ARPP21: variants seen among roughly 807,000 people sequenced by gnomAD.
The protein encoded by ARPP21 is cAMP-regulated phosphoprotein 21.
In ARPP21, 69 loss-of-function variants were observed where a neutral mutation model predicts 113.2. That is an observed-to-expected ratio of 0.61 (90% CI 0.50 to 0.74). The LOEUF is 0.74. Among genes scored for constraint, ARPP21 ranks in the 30% least tolerant of loss-of-function variants. The pLI, the probability that ARPP21 is intolerant of heterozygous loss-of-function variation, is 0.00. For missense variants in ARPP21, 1,070 were observed against 1,037.4 expected, an observed-to-expected ratio of 1.03 and a Z score of -0.43; for synonymous variants, 368 against 375.5, an observed-to-expected ratio of 0.98 and a Z score of 0.23.
At position 35,690,072 on chromosome 3, in the gene ARPP21, A is replaced by G. The variant is rs1158484677; in HGVS notation, c.486-9A>G. On this transcript the variant is annotated splice_polypyrimidine_tract_variant and intron_variant, in intron 7 of 20. Coordinates refer to ENST00000684406, the MANE Select transcript of ARPP21 (RefSeq NM_001385562.1). ...ATAAAACCTTTTAAATTTAACATTT[A>G]TTTTGCAGGGACAGGATGATACTTT... is the stretch of plus-strand genomic sequence containing the variant. 7 of 1,244,916 alleles carry G rather than the reference A, an allele frequency of 5.6e-6. No homozygotes were observed. Among genetic ancestry groups the G allele is most frequent in the Non-Finnish European group, 8.3e-6 (7 of 845,338 alleles). The allele number at this position is 1,244,916 out of a possible 1,614,324, so 77.1% of individuals were successfully genotyped here.
At chr3:35,733,891 A>G (rs1208907362) in intron 15 of ARPP21, among the ~76,000 whole-genome samples, 2 of 152,338 alleles carry the variant, frequency 1.3e-5, no homozygotes, top group East Asian at 1.9e-4. Context: ...CTTCTAGCCC[A>G]CAGCATATTA....
chr3:35,730,642 G>C (rs2093896147), intron 15 of ARPP21, among the ~76,000 whole-genome samples: 1 of 152,188 alleles, frequency 6.6e-6, no homozygotes, highest in Non-Finnish European at 1.5e-5. Flanking sequence ...GATCCTTCCA[G>C]ACTATTTCTT....
At chr3:35,725,310 G>C (rs1314669762) in intron 14 of ARPP21, among the ~76,000 whole-genome samples, 2 of 152,168 alleles carry the variant, frequency 1.3e-5, no homozygotes, top group African/African-American at 2.4e-5. Flanking sequence ...AAAGTGGCAA[G>C]AGGCTAGGAG....
chr3:35,776,442 G>C (rs1043456500), intron 19 of ARPP21, among the ~76,000 whole-genome samples: 2 of 152,078 alleles, frequency 1.3e-5, no homozygotes, highest in African/African-American at 4.8e-5. Flanking sequence ...AGGAAGGGTG[G>C]GCAACATTTT....
At chr3:35,756,201 G>A (rs1394904912) in intron 19 of ARPP21, among the ~76,000 whole-genome samples, 2 of 152,034 alleles carry the variant, frequency 1.3e-5, no homozygotes, top group African/African-American at 4.8e-5. Flanking sequence ...AAATGTAATG[G>A]TTCCACAGCA....
intron 1 of ARPP21, among the ~76,000 whole-genome samples, chr3:35,653,624 G>A (rs536444748): frequency 4.4e-4 from 67 of 151,988 alleles, no homozygotes; most frequent in Non-Finnish European, 6.8e-4. Flanking sequence ...TGACATCATG[G>A]TGATCTAAAT....
At chr3:35,707,468 G>A (rs1387310381) in intron 10 of ARPP21, 1 of 469,580 alleles carries the variant, frequency 2.1e-6, no homozygotes, top group African/African-American at 2.0e-5. Flanking sequence ...CTTCAGTTGT[G>A]CACAAATTGA....
intron 1 of ARPP21, among the ~76,000 whole-genome samples, chr3:35,668,718 A>T (rs940317850): frequency 7.2e-5 from 11 of 152,196 alleles, no homozygotes; most frequent in Non-Finnish European, 8.8e-5. Flanking sequence ...ACTGACTAAA[A>T]GTAGTCATTT....
chr3:35,709,242 TA>T (rs2090277251), intron 11 of ARPP21, among the ~76,000 whole-genome samples, 172 bp downstream of exon 11: 2 of 152,172 alleles, frequency 1.3e-5, no homozygotes, highest in East Asian at 3.9e-4. Flanking sequence ...AGGGAAGTGA[TA>T]GAAACCTAGC....
intron 13 of ARPP21, among the ~76,000 whole-genome samples, chr3:35,717,907 T>G (rs910868610): frequency 6.6e-6 from 1 of 152,160 alleles, no homozygotes; most frequent in Non-Finnish European, 1.5e-5. Flanking sequence ...AGTTCTATAC[T>G]AGACTAGAAG....
intron 12 of ARPP21, among the ~76,000 whole-genome samples, chr3:35,716,790 G>A (rs1337157987): frequency 1.3e-5 from 2 of 151,420 alleles, no homozygotes; most frequent in Non-Finnish European, 3.0e-5. Flanking sequence ...ATATTATGTT[G>A]GATTATATCC....
At chr3:35,747,780 T>C (rs1010357193) in intron 19 of ARPP21, among the ~76,000 whole-genome samples, 3 of 151,930 alleles carry the variant, frequency 2.0e-5, no homozygotes, top group African/African-American at 7.3e-5. Flanking sequence ...CAGTTCACTT[T>C]ATAAAAATTC....
chr3:35,790,527 A>G (rs1278125946), intron 19 of ARPP21, among the ~76,000 whole-genome samples: 2 of 152,224 alleles, frequency 1.3e-5, no homozygotes, highest in Non-Finnish European at 2.9e-5. Context: ...ATGTGAAAAT[A>G]ATTTTCTCTC....
In ARPP21 at chr3:35,707,068, A is replaced by G; in HGVS notation, c.781A>G (p.Lys261Glu). 1 of 1,612,932 alleles carries G rather than the reference A, an allele frequency of 6.2e-7. No homozygotes were observed. The highest frequency in any genetic ancestry group is 8.5e-7 in the Non-Finnish European group (1 of 1,179,384). The change falls in exon 10 of 21, where the codon AAA becomes GAA. Residue 261 changes from lysine to glutamate, a missense_variant. Lys to Glu is a moderately conservative substitution (Grantham distance 56). Transcript: ENST00000684406. The stretch of plus-strand genomic sequence containing the variant: ...GAAGCGAGATAACTCTAGTATTGAT[A>G]AAGAAGACAATCAGGTTGGTTCTCA... ...ILKRDNSSID[K>E]EDNQQNRMHP...
chr3:35,685,931 T>A, intron 5 of ARPP21: 1 of 390,302 alleles, frequency 2.6e-6, no homozygotes, highest in East Asian at 1.6e-4. Flanking sequence ...GTAATATATA[T>A]GCATAGAAAA....
At chr3:35,709,435 T>A (rs1348778142) in intron 11 of ARPP21, among the ~76,000 whole-genome samples, 1 of 152,212 alleles carries the variant, frequency 6.6e-6, no homozygotes, top group African/African-American at 2.4e-5. Context: ...AACAACATTG[T>A]ACAGGGTAAA....
intron 5 of ARPP21, chr3:35,685,001 C>A: frequency 1.0e-6 from 1 of 983,702 alleles, no homozygotes; most frequent in Non-Finnish European, 1.2e-6. Context: ...GTGAATATCA[C>A]GGCTTATATT....
chr3:35,769,751 C>CTTTCT (rs1210166412), intron 19 of ARPP21, among the ~76,000 whole-genome samples: 1 of 152,120 alleles, frequency 6.6e-6, no homozygotes, highest in Non-Finnish European at 1.5e-5. Flanking sequence ...TTGGAGCAGA[C>CTTTCT]TTTCTTTGTT....
At chr3:35,788,370 T>A (rs1247927087) in intron 19 of ARPP21, among the ~76,000 whole-genome samples, 1 of 152,218 alleles carries the variant, frequency 6.6e-6, no homozygotes, top group Non-Finnish European at 1.5e-5. Flanking sequence ...AGAAGTAATT[T>A]TTATATGAAG....
Sources: allele counts gnomAD v4.1 joint callset (sites outside exome capture counted in the v4.1 genomes callset), GRCh38; gene constraint gnomAD v4.1.1; transcripts MANE v1.5; gene names NCBI Gene and HGNC (gene_info 2026-07-23, HGNC 2026-07-21).